Variants in DLGAP4 observed in about 807,000 individuals in gnomAD.
DLGAP4 encodes disks large-associated protein 4.
A neutral mutation model predicts 86.9 loss-of-function variants in DLGAP4; 18 were observed. The ratio of observed to expected loss-of-function variants is 0.21; its 90% confidence interval spans 0.14 to 0.31. DLGAP4 has a LOEUF of 0.31. Ranked by LOEUF, DLGAP4 falls within the 10% of genes least tolerant of loss-of-function variation. The pLI, the probability that DLGAP4 is intolerant of heterozygous loss-of-function variation, is 1.00. For synonymous variants in DLGAP4, 548 were observed against 574.3 expected (o/e 0.95, Z 0.65); for missense variants, 1,085 against 1,362.6 (o/e 0.80, Z 3.21).
chr20:36,394,097 C>T (rs1371878050), intron 2 of DLGAP4, among the ~76,000 whole-genome samples: 1 of 152,216 alleles, frequency 6.6e-6, no homozygotes, highest in Non-Finnish European at 1.5e-5. Flanking sequence ...CTCTCTCTCC[C>T]TCTCTTTCAC....
Position 36,526,876 on chromosome 20 carries a change from C to A in DLGAP4, c.2824C>A (p.Arg942Ser). The change falls in exon 13 of 13, where the codon CGC becomes AGC. Residue 942 changes from arginine to serine, a missense_variant. Around this residue, in one of 2 missense-constraint regions of DLGAP4, gnomAD observed 1,082 missense variants for 1,344.1 expected, o/e 0.81. Coordinates refer to ENST00000339266, the MANE Select transcript of DLGAP4 (RefSeq NM_001365621.2). ...KPAKSKPAVS[R>S]DKASDASDKQ... ...AGCCAAATCCAAGCCGGCAGTGAGCCGCGACAAGGCCTCAGACGCCAGCGA... is the reference window on the plus strand; with the variant it reads ...AGCCAAATCCAAGCCGGCAGTGAGCAGCGACAAGGCCTCAGACGCCAGCGA... 1 of 1,612,618 alleles carries A rather than the reference C, an allele frequency of 6.2e-7. No individual in the cohort carries two copies. The highest frequency in any genetic ancestry group is 8.5e-7 in the Non-Finnish European group (1 of 1,179,624).
rs755258754 is a variant in DLGAP4, at chr20:36,526,860, C to T, written c.2808C>T (p.Ser936=). ...PPPVPKKPAK[S]KPAVSRDKAS... is the part of the protein sequence containing the mutation. The stretch of plus-strand genomic sequence containing the variant: ...CGGTCCCAAAGAAGCCAGCCAAATC[C>T]AAGCCGGCAGTGAGCCGCGACAAGG... Residue 936 remains serine (S), a synonymous_variant, in exon 13 of 13, where the codon TCC becomes TCT. Coordinates refer to ENST00000339266, the MANE Select transcript of DLGAP4 (RefSeq NM_001365621.2). The T allele has an allele frequency of 7.4e-6, 12 of 1,611,876 alleles. No individual in the cohort carries two copies. Among genetic ancestry groups the T allele is most frequent in the African/African-American group, 1.3e-5 (1 of 74,736 alleles).
intron 2 of DLGAP4, among the ~76,000 whole-genome samples, chr20:36,420,805 C>A (rs577597606): frequency 6.6e-6 from 1 of 152,054 alleles, no homozygotes; most frequent in East Asian, 1.9e-4. Flanking sequence ...GAAACCCAGT[C>A]TCTACTAAAA....
Position 36,405,495 on chromosome 20 carries a change from A to G in DLGAP4, c.-72-26151A>G, listed in dbSNP as rs977324116. 1.7e-4 allele frequency among the ~76,000 whole-genome samples: 26 copies of G among 152,168 alleles called. 1 individual carries two copies. The highest frequency in any genetic ancestry group is 3.2e-4 in the Non-Finnish European group (22 of 68,036). On this transcript the variant is annotated intron_variant, in intron 2 of 12. Transcript: ENST00000339266. ...GAGGCTGGGACATTTCTGGCAGACC[A>G]CATGAGAAATTCCAGGGAGTACACA...
intron 7 of DLGAP4, among the ~76,000 whole-genome samples, chr20:36,476,282 TCCCCATTACC>T: frequency 6.9e-6 from 1 of 144,546 alleles, no homozygotes; most frequent in South Asian, 2.3e-4. Context: ...AAACACTAAC[TCCCCATTACC>T]CCCTTGCCTG....
rs577556666 is a variant in DLGAP4, at chr20:36,369,368, G to A, written c.-73+2093G>A. 5.9e-5 allele frequency among the ~76,000 whole-genome samples: 9 copies of A among 152,178 alleles called. No individual in the cohort carries two copies. The East Asian group carries it at 9.6e-4, about 16-fold the overall frequency. The stretch of plus-strand genomic sequence containing the variant: ...AGCACTTTGGGAGGCCGAGGCAGGC[G>A]GATCATCTGAGGTCAGGAGTTCGAG... On this transcript the variant is annotated intron_variant, in intron 2 of 12. Transcript: ENST00000339266.
chr20:36,404,376 C>G (rs1214530989), intron 2 of DLGAP4, among the ~76,000 whole-genome samples: 3 of 152,062 alleles, frequency 2.0e-5, no homozygotes. Context: ...TGTGGTCACC[C>G]CCAAAGTCCA....
intron 7 of DLGAP4, chr20:36,461,658 GCCCC>G: frequency 3.5e-4 from 97 of 274,432 alleles, no homozygotes; most frequent in Non-Finnish European, 4.5e-4. Flanking sequence ...GACGGGGGCC[GCCCC>G]GCCCGGCCCG....
At chr20:36,352,043 G>A (rs530475503) in intron 1 of DLGAP4, among the ~76,000 whole-genome samples, 1 of 152,272 alleles carries the variant, frequency 6.6e-6, no homozygotes, top group Admixed American at 6.5e-5. Context: ...CTGAGGAGGT[G>A]ACAGCTACAG....
chr20:36,375,441 C>G (rs979531832), intron 2 of DLGAP4, among the ~76,000 whole-genome samples: 1 of 152,300 alleles, frequency 6.6e-6, no homozygotes. Flanking sequence ...AGTCATTCAT[C>G]CCCACACTCC....
At chr20:36,487,987 G>A (rs990550204) in intron 7 of DLGAP4, among the ~76,000 whole-genome samples, 3 of 152,010 alleles carry the variant, frequency 2.0e-5, no homozygotes, top group Non-Finnish European at 4.4e-5. Context: ...GGATCACGAG[G>A]TTGGGAGTTT....
In DLGAP4 at chr20:36,528,624, G is replaced by A. The variant is rs2037914347; in HGVS notation, c.*1593G>A. On this transcript the variant is annotated 3_prime_UTR_variant, in exon 13 of 13. Coordinates refer to ENST00000339266, the MANE Select transcript of DLGAP4 (RefSeq NM_001365621.2). ...CAGGCATGTTGTGAGAATAAATGAG[G>A]TAACGTGTACCAAGGGCTTGTGGCA... The A allele has an allele frequency of 6.5e-6, 1 of 152,710 alleles. No individual in the cohort carries two copies. The highest frequency in any genetic ancestry group is 1.5e-5 in the Non-Finnish European group (1 of 68,130). The allele number at this position is 152,710 out of a possible 1,614,324, so 9.5% of individuals were successfully genotyped here.
At chr20:36,394,288 C>T (rs903246924) in intron 2 of DLGAP4, among the ~76,000 whole-genome samples, 1 of 152,222 alleles carries the variant, frequency 6.6e-6, no homozygotes, top group Non-Finnish European at 1.5e-5. Flanking sequence ...CCCTGACACC[C>T]TGGCTGGGGC....
At chr20:36,365,032 C>A (rs1555894525) in intron 1 of DLGAP4, among the ~76,000 whole-genome samples, 2 of 152,174 alleles carry the variant, frequency 1.3e-5, no homozygotes, top group Non-Finnish European at 1.5e-5. Flanking sequence ...AAGGTCAAGG[C>A]TACAGTGAGC....
At chr20:36,462,658 G>A in intron 7 of DLGAP4, 2 of 1,548,052 alleles carry the variant, frequency 1.3e-6, no homozygotes, top group Admixed American at 4.3e-5. Context: ...CCGCGGCCGA[G>A]GCTCCATGGG....
At chr20:36,388,206 C>T (rs977348211) in intron 2 of DLGAP4, among the ~76,000 whole-genome samples, 1 of 152,194 alleles carries the variant, frequency 6.6e-6, no homozygotes, top group Non-Finnish European at 1.5e-5. Context: ...CTTGATTCTT[C>T]CTTTGTATGT....
chr20:36,309,622 G>A (rs995326460), intron 1 of DLGAP4, among the ~76,000 whole-genome samples: 2 of 152,366 alleles, frequency 1.3e-5, no homozygotes, highest in Non-Finnish European at 2.9e-5. Flanking sequence ...AGGGAGAGGG[G>A]CCATGCTGGG....
rs1191230354 is a variant in DLGAP4 at position 36,528,452 on chromosome 20, C to G, written c.*1421C>G. The stretch of plus-strand genomic sequence containing the variant: ...GCGCTTGCTGCAGGGGGGGACCCCC[C>G]CCCGTCCCCAGGTGAACCAAGGGTC... On this transcript the variant is annotated 3_prime_UTR_variant, in exon 13 of 13. Coordinates refer to ENST00000339266, the MANE Select transcript of DLGAP4 (RefSeq NM_001365621.2). 1 of 152,734 alleles carries G rather than the reference C, an allele frequency of 6.5e-6. No individual in the cohort carries two copies. The highest frequency in any genetic ancestry group is 2.4e-5 in the African/African-American group (1 of 41,334). The allele number at this position is 152,734 out of a possible 1,614,324, so 9.5% of individuals were successfully genotyped here.
intron 2 of DLGAP4, among the ~76,000 whole-genome samples, chr20:36,424,017 A>T (rs1000824457): frequency 6.6e-6 from 1 of 152,110 alleles, no homozygotes; most frequent in African/African-American, 2.4e-5. Context: ...ACCGAGGCTC[A>T]GGGGGAATGA....
Sources: gnomAD v4.1 joint callset for allele counts (sites outside exome capture counted in the v4.1 genomes callset) on GRCh38, gnomAD v4.1.1 for gene constraint, gnomAD v4.1.1 regional missense constraint, MANE v1.5 for transcripts, NCBI Gene and HGNC (gene_info 2026-07-23, HGNC 2026-07-21) for gene names.